Variants in L1CAM observed in about 807,000 individuals in gnomAD.
The protein encoded by L1CAM is neural cell adhesion molecule L1.
Under a neutral mutation model 93.0 loss-of-function variants are expected in L1CAM, and 8 were observed. The observed-to-expected ratio is 0.09, with a 90% CI of 0.05 to 0.16. L1CAM has a LOEUF of 0.16. Ranked by LOEUF, L1CAM falls within the 10% of genes least tolerant of loss-of-function variation. The pLI, the probability that L1CAM is intolerant of heterozygous loss-of-function variation, is 1.00. For synonymous variants in L1CAM, 453 were observed against 453.0 expected, an observed-to-expected ratio of 1.00 and a Z score of 0.00; for missense variants, 777 against 1,073.4, an observed-to-expected ratio of 0.72 and a Z score of 3.86.
rs782676482 is a variant in L1CAM at position 153,872,279 on chromosome X, G to A, written c.273C>T (p.His91=). The A allele has an allele frequency of 2.5e-6, 3 of 1,208,354 alleles. No individual in the cohort carries two copies. The highest frequency in any genetic ancestry group is 3.4e-6 in the Non-Finnish European group (3 of 894,298). The change falls in exon 5 of 29, where the codon CAC becomes CAT. Residue 91 remains histidine, a synonymous_variant. Transcript: ENST00000370060. The part of the protein sequence containing the change: ...ELGVTVYQSP[H]SGSFTITGNN... Reference sequence around the variant, plus strand: ...TGCCCGTGATGGTGAAGGAGCCAGAGTGGGGCGACTGGTACACGGTCACAC... The same window carrying A: ...TGCCCGTGATGGTGAAGGAGCCAGAATGGGGCGACTGGTACACGGTCACAC...
At chrX:153,865,022 G>T (rs201208121) in intron 22 of L1CAM, 28 bp from the exon 23 acceptor site, 16 of 1,210,896 alleles carry the variant, frequency 1.3e-5, no homozygotes, top group African/African-American at 3.5e-5. Flanking sequence ...GGTTGGCTGT[G>T]GCTGCAGCTC....
intron 1 of L1CAM, among the ~76,000 whole-genome samples, chrX:153,882,458 G>A (rs2064850286): frequency 9.1e-6 from 1 of 109,404 alleles, no homozygotes; most frequent in Non-Finnish European, 1.9e-5. Context: ...GCTGGTTCAC[G>A]AACACACACA....
At chrX:153,873,614 G>T (rs1218587030) in intron 2 of L1CAM, among the ~76,000 whole-genome samples, 1 of 112,489 alleles carries the variant, frequency 8.9e-6, no homozygotes, top group Admixed American at 9.3e-5. Context: ...AGGGCCTGCA[G>T]AACTGACCCC....
Position 153,865,411 on chromosome X carries a change from A to C in L1CAM, c.2637T>G (p.Ser879Arg), listed in dbSNP as rs2064703963. ...AGGGCCGCAAGCCACTGAGGATGAC[A>C]CTGGTGGTGTTGGCGGGCACCACCA... ...DHVVVPANTT[S>R]VILSGLRPYS... Residue 879 changes from serine (S) to arginine (R), a missense_variant, in exon 21 of 29, where the codon AGT becomes AGG. Around this residue, in one of 5 missense-constraint regions of L1CAM, gnomAD observed 574 missense variants for 781.0 expected, o/e 0.73. Transcript: ENST00000370060. 1 of 1,209,334 alleles carries C rather than the reference A, an allele frequency of 8.3e-7. No homozygotes were observed. The highest frequency in any genetic ancestry group is 1.7e-5 in the African/African-American group (1 of 57,208).
At chrX:153,875,244 G>T (rs1273379859) in intron 2 of L1CAM, among the ~76,000 whole-genome samples, 1 of 111,673 alleles carries the variant, frequency 9.0e-6, no homozygotes, top group Non-Finnish European at 1.9e-5. Context: ...CTGGGACCAG[G>T]GTTTTTCAAG....
chrX:153,865,792 C>A lies in L1CAM; in HGVS notation c.2459G>T (p.Gly820Val). The stretch of plus-strand genomic sequence containing the variant: ...GGCACTTGAGTTGAGGATTTCAATG[C>A]CTTCCAGCTCAGGGATTGCCTGGGG... ...DYPQAIPELE[G>V]IEILNSSAVL... The change falls in exon 20 of 29, where the codon GGC becomes GTC. Residue 820 changes from glycine (G) to valine (V), a missense_variant. Physicochemically the swap from Gly to Val is moderately radical, Grantham distance 109. Transcript: ENST00000370060. 1.7e-6 allele frequency: 2 copies of A among 1,208,835 alleles called. No individual in the cohort carries two copies. The highest frequency in any genetic ancestry group is 2.2e-6 in the Non-Finnish European group (2 of 892,632).
chrX:153,864,476 T>C lies in L1CAM; in HGVS notation c.3168A>G (p.Glu1056=). 5.0e-6 allele frequency: 6 copies of C among 1,210,242 alleles called. No individual in the cohort carries two copies. The highest frequency in any genetic ancestry group is 6.7e-6 in the Non-Finnish European group (6 of 894,193). The change falls in exon 25 of 29, where the codon GAA becomes GAG. Residue 1056 remains glutamate, a splice_region_variant and synonymous_variant. Coordinates refer to ENST00000370060, the MANE Select transcript of L1CAM (RefSeq NM_001278116.2). Reference sequence around the variant, plus strand: ...GCGAAAGGGAAGCCCCACCCTTCTCTTCTGCCAGGGAGAGAGGGTGGCAGC... The same window carrying C: ...GCGAAAGGGAAGCCCCACCCTTCTCCTCTGCCAGGGAGAGAGGGTGGCAGC... ...RFHILFKALG[E]EKGGASLSPQ... is the part of the protein sequence containing the mutation.
chrX:153,864,508 G>C (rs1557090075), intron 24 of L1CAM, 31 bp from the exon 25 acceptor site: 1 of 1,209,541 alleles, frequency 8.3e-7, no homozygotes, highest in Non-Finnish European at 1.1e-6. Context: ...CAGCAGGGGT[G>C]AGTCGGAGTG....
chrX:153,873,882 G>T (rs2148501326), intron 2 of L1CAM, among the ~76,000 whole-genome samples: 1 of 112,709 alleles, frequency 8.9e-6, no homozygotes, highest in South Asian at 3.6e-4. Context: ...CAGAGCTGCT[G>T]TCCCAGCCCC....
At position 153,868,718 on chromosome X, in the gene L1CAM, C is replaced by T. The variant is rs1161832974; in HGVS notation, c.1389G>A (p.Glu463=). Residue 463 remains glutamate (E), a synonymous_variant, in exon 13 of 29, where the codon GAG becomes GAA. Transcript: ENST00000370060. The stretch of plus-strand genomic sequence containing the variant: ...CGTCCTGAAGCACTGTTGTCCCATC[C>T]TCGTCCAGCCTGGAGGGAGCAGGGC... ...APVPSVQWLD[E]DGTTVLQDER... The T allele has an allele frequency of 3.3e-6, 4 of 1,211,682 alleles. No individual in the cohort carries two copies. Among genetic ancestry groups the T allele is most frequent in the Admixed American group, 4.3e-5 (2 of 46,097 alleles).
Position 153,872,331 on chromosome X carries a change from A to G in L1CAM, c.221T>C (p.Val74Ala). The part of the protein sequence containing the change: ...EVQFRWTRDG[V>A]HFKPKEELGV... ...CAGCTCTTCCTTGGGTTTGAAGTGG[A>G]CACCATCCCTCGTCCAGCGGAACCT... The change falls in exon 5 of 29, where the codon GTC becomes GCC. Residue 74 changes from valine to alanine, a missense_variant. By Grantham distance (64) the Val-to-Ala change is moderately conservative (BLOSUM62 0). This residue lies in a region of L1CAM where 574 missense variants were observed against 781.0 expected (regional missense o/e 0.73). Transcript: ENST00000370060. The G allele has an allele frequency of 8.3e-7, 1 of 1,208,526 alleles. No homozygotes were observed. Among genetic ancestry groups the G allele is most frequent in the African/African-American group, 1.8e-5 (1 of 56,911 alleles).
chrX:153,877,551 C>T (rs781891529), intron 1 of L1CAM, among the ~76,000 whole-genome samples: 22 of 111,457 alleles, frequency 2.0e-4, no homozygotes, highest in South Asian at 3.7e-4. Flanking sequence ...CTCTTGAACC[C>T]AGGAGGCGGA....
At position 153,864,452 on chromosome X, in the gene L1CAM, C is replaced by T. The variant is rs142563956; in HGVS notation, c.3192G>A (p.Ser1064=). ...LGEEKGGASL[S]PQYVSYNQSS... ...TCTGGTTGTAGCTGACATACTGTGG[C>T]GAAAGGGAAGCCCCACCCTTCTCTT... is the stretch of plus-strand genomic sequence containing the variant. Residue 1064 remains serine, a synonymous_variant, in exon 25 of 29, where the codon TCG becomes TCA. Transcript: ENST00000370060. 14 of 1,209,203 alleles carry T rather than the reference C, an allele frequency of 1.2e-5. No individual in the cohort carries two copies. The highest frequency in any genetic ancestry group is 1.5e-5 in the Non-Finnish European group (13 of 894,259).
At chrX:153,869,462 C>T in intron 11 of L1CAM, 58 bp downstream of exon 11, 1 of 1,187,690 alleles carries the variant, frequency 8.4e-7, no homozygotes, top group Non-Finnish European at 1.1e-6. Context: ...GGTGGCCTGG[C>T]CCAGTGGGCT....
chrX:153,884,644 T>A (rs2064867589), intron 1 of L1CAM: 1 of 147,332 alleles, frequency 6.8e-6, no homozygotes, highest in Non-Finnish European at 1.3e-5. Context: ...TGCCCCAAAC[T>A]TCCCATGTGG....
chrX:153,885,571 C>G (rs1249913624), intron 1 of L1CAM: 19 of 319,422 alleles, frequency 5.9e-5, no homozygotes, highest in Non-Finnish European at 9.2e-5. Flanking sequence ...GGCGGCTTAT[C>G]CCGATCTACC....
Position 153,862,776 on chromosome X carries a change from C to T in L1CAM, c.3661G>A (p.Glu1221Lys). The T allele has an allele frequency of 8.2e-7, 1 of 1,212,234 alleles. No homozygotes were observed. The highest frequency in any genetic ancestry group is 1.1e-6 in the Non-Finnish European group (1 of 895,425). Residue 1221 changes from glutamate (E) to lysine (K), a missense_variant, in exon 29 of 29, where the codon GAG (glutamate) becomes AAG (lysine). Physicochemically the swap from Glu to Lys is moderately conservative, Grantham distance 56. Around this residue, in one of 5 missense-constraint regions of L1CAM, gnomAD observed 110 missense variants for 141.7 expected, o/e 0.78. Transcript: ENST00000370060. ...YGGSVDVQFN[E>K]DGSFIGQYSG... is the part of the protein sequence containing the mutation. ...TACTGGCCAATGAACGAACCATCCT[C>T]GTTGAACTGAACATCCACGCTGCCC...
intron 1 of L1CAM, among the ~76,000 whole-genome samples, chrX:153,877,461 CAAA>C (rs35481146): frequency 2.0e-5 from 1 of 49,038 alleles, no homozygotes; most frequent in Admixed American, 2.2e-4. Context: ...GACTCTGTCT[CAAA>C]AAAAAAAAAA....
rs960343075 is a variant in L1CAM at position 153,875,915 on chromosome X, G to T, written c.-79C>A. 1.3e-5 allele frequency: 12 copies of T among 921,235 alleles called. No homozygotes were observed. Among genetic ancestry groups the T allele is most frequent in the Non-Finnish European group, 1.7e-5 (11 of 649,512 alleles). 75.9% of individuals were successfully genotyped at this position (921,235 alleles called of 1,213,427 possible). A position where few individuals can be genotyped will look rare whatever the true frequency, so the allele number is the denominator to read the frequency against. On this transcript the variant is annotated 5_prime_UTR_variant, in exon 2 of 29. Transcript: ENST00000370060. ...CCGGAGGGGAAGGGGGCTGGTGGGC[G>T]GCTTGGGGCGGGAGTTGGGAGTGGG...
Sources: gnomAD v4.1 joint callset for allele counts (sites outside exome capture counted in the v4.1 genomes callset) on GRCh38, gnomAD v4.1.1 for gene constraint, gnomAD v4.1.1 regional missense constraint, MANE v1.5 for transcripts, NCBI Gene and HGNC (gene_info 2026-07-23, HGNC 2026-07-21) for gene names.